INTS4: variants seen among roughly 807,000 people sequenced by gnomAD.
The protein encoded by INTS4 is integrator complex subunit 4, also known as MSTP093.
A neutral mutation model predicts 119.5 loss-of-function variants in INTS4; 70 were observed. The observed-to-expected ratio is 0.59, with a 90% CI of 0.48 to 0.71. The LOEUF (loss-of-function observed/expected upper bound fraction) is 0.71, where lower values mean the gene tolerates loss of function less well. Ranked by LOEUF, INTS4 falls within the 30% of genes least tolerant of loss-of-function variation. The probability of loss-of-function intolerance (pLI) is 0.00; values close to 1 mark genes in which losing one functional copy is unlikely to be tolerated. For synonymous variants in INTS4, 316 were observed against 419.6 expected (o/e 0.75, Z 3.02); for missense variants, 867 against 1,173.2 (o/e 0.74, Z 3.81).
rs1258810908 is a variant in INTS4 at position 77,981,522 on chromosome 11, T to G, written c.301A>C (p.Lys101Gln). ...KIASLLGLLS[K>Q]TAGFSPDCIM... Reference sequence around the variant, plus strand: ...CAGTCTGGTGAAAATCCTGCTGTCTTTGATAATAAACCCAACAATGATGCA... The same window carrying G: ...CAGTCTGGTGAAAATCCTGCTGTCTGTGATAATAAACCCAACAATGATGCA... The change falls in exon 3 of 23, where the codon AAG becomes CAG. Residue 101 changes from lysine to glutamine, a missense_variant. Coordinates refer to ENST00000534064, the MANE Select transcript of INTS4 (RefSeq NM_033547.4). The G allele has an allele frequency of 6.3e-7, 1 of 1,586,592 alleles. No homozygotes were observed. The highest frequency in any genetic ancestry group is 8.6e-7 in the Non-Finnish European group (1 of 1,165,564).
chr11:77,889,648 T>C (rs892850586), intron 21 of INTS4, among the ~76,000 whole-genome samples: 13 of 152,186 alleles, frequency 8.5e-5, no homozygotes, highest in African/African-American at 3.1e-4. Context: ...CTCAGTGTCA[T>C]CTCTGAGGCA....
chr11:77,974,750 G>A (rs990632605), intron 4 of INTS4, among the ~76,000 whole-genome samples: 25 of 151,758 alleles, frequency 1.6e-4, no homozygotes, highest in Admixed American at 1.4e-3. Flanking sequence ...ACAGGTACAA[G>A]CCACCAGACC....
Position 77,901,372 on chromosome 11 carries a change from T to A in INTS4, c.2228+49A>T, listed in dbSNP as rs567239352. The A allele has an allele frequency of 6.9e-6, 11 of 1,596,240 alleles. No individual in the cohort carries two copies. In the South Asian group the frequency reaches 1.0e-4, roughly 14 times the overall value. ...GTGTGATGTCTGAATGCATTTGAAG[T>A]ATCTTTGAAAGGAACATGCCACATA... is the stretch of plus-strand genomic sequence containing the variant. On this transcript the variant is annotated intron_variant, in intron 18 of 22. Coordinates refer to ENST00000534064, the MANE Select transcript of INTS4 (RefSeq NM_033547.4).
chr11:77,882,475 C>T (rs145284971), intron 22 of INTS4, among the ~76,000 whole-genome samples: 32 of 152,282 alleles, frequency 2.1e-4, no homozygotes, highest in African/African-American at 7.7e-4. Flanking sequence ...TTGTCCCTCC[C>T]AAAACAATAC....
intron 10 of INTS4, among the ~76,000 whole-genome samples, chr11:77,930,974 T>G (rs1258966898): frequency 6.6e-6 from 1 of 152,236 alleles, no homozygotes; most frequent in Non-Finnish European, 1.5e-5. Context: ...CTATTAGGTT[T>G]GTACTTAGTA....
chr11:77,901,263 T>C (rs1325061935), intron 18 of INTS4, 158 bp downstream of exon 18: 1 of 811,278 alleles, frequency 1.2e-6, no homozygotes, highest in Non-Finnish European at 2.1e-6. Flanking sequence ...AACAACAGAA[T>C]TTGTAATATC....
chr11:77,935,767 C>T (rs546804630), intron 10 of INTS4, among the ~76,000 whole-genome samples: 9 of 151,766 alleles, frequency 5.9e-5, no homozygotes. Flanking sequence ...GTGGTGGTGT[C>T]CACCTGTGGT....
At chr11:77,993,706 C>A (rs1490945274) in intron 1 of INTS4, among the ~76,000 whole-genome samples, 1 of 152,044 alleles carries the variant, frequency 6.6e-6, no homozygotes, top group South Asian at 2.1e-4. Flanking sequence ...GGATCAGTAT[C>A]CTGCTGGATG....
intron 14 of INTS4, among the ~76,000 whole-genome samples, chr11:77,920,280 C>CAT (rs1210532440): frequency 1.2e-3 from 56 of 44,958 alleles, no homozygotes; most frequent in African/African-American, 3.0e-3. Context: ...TATATATACA[C>CAT]ATATATATAT....
At chr11:77,980,372 TA>T (rs1441380118) in intron 3 of INTS4, among the ~76,000 whole-genome samples, 8 of 147,290 alleles carry the variant, frequency 5.4e-5, no homozygotes, top group Non-Finnish European at 4.5e-5. Context: ...TGCTTGTATT[TA>T]TTTTTTTATT....
chr11:77,924,644 A>G, intron 12 of INTS4, 106 bp downstream of exon 12: 1 of 1,046,714 alleles, frequency 9.6e-7, no homozygotes, highest in Non-Finnish European at 1.4e-6. Context: ...TAAAGGCAAA[A>G]TTCAGGGCCG....
At chr11:77,878,714 A>G (rs1221323016), downstream of INTS4, 4 of 695,378 alleles carry the variant, frequency 5.8e-6, no homozygotes, top group East Asian at 8.1e-5. Context: ...CAGGAACTAG[A>G]ACAGCTTGGT....
intron 10 of INTS4, among the ~76,000 whole-genome samples, chr11:77,929,216 A>G (rs1050322683): frequency 1.3e-5 from 2 of 152,118 alleles, no homozygotes; most frequent in African/African-American, 4.8e-5. Flanking sequence ...TATCAAATTA[A>G]GAGCCATGGG....
intron 21 of INTS4, among the ~76,000 whole-genome samples, chr11:77,887,352 G>A (rs2039421717): frequency 1.3e-5 from 2 of 152,260 alleles, no homozygotes; most frequent in Admixed American, 1.3e-4. Flanking sequence ...GGCAGAAAAG[G>A]CCTTTGACAA....
intron 8 of INTS4, among the ~76,000 whole-genome samples, chr11:77,950,142 T>A (rs1429256300): frequency 6.6e-6 from 1 of 151,782 alleles, no homozygotes; most frequent in Non-Finnish European, 1.5e-5. Context: ...CCGCATGTTC[T>A]CACTCATAAG....
chr11:77,879,890 G>A (rs1304736286), intron 22 of INTS4, among the ~76,000 whole-genome samples: 1 of 152,070 alleles, frequency 6.6e-6, no homozygotes, highest in Admixed American at 6.5e-5. Flanking sequence ...AACCCCAAGA[G>A]TTCTTATCCT....
At position 77,991,241 on chromosome 11, in the gene INTS4, G is replaced by C. The variant is rs1335759089; in HGVS notation, c.113C>G (p.Ala38Gly). ...LRLTKPSKSA[A>G]LHIDLCKATS... is the part of the protein sequence containing the mutation. ...AGCTTTACACAGATCTATGTGGAGT[G>C]CTGCAGATTTACTTGGTTTTGTTAG... The change falls in exon 2 of 23, where the codon GCA becomes GGA. Residue 38 changes from alanine to glycine, a missense_variant. Physicochemically the swap from Ala to Gly is moderately conservative, Grantham distance 60. Coordinates refer to ENST00000534064, the MANE Select transcript of INTS4 (RefSeq NM_033547.4). The C allele has an allele frequency of 2.5e-6, 4 of 1,613,920 alleles. No individual in the cohort carries two copies. Among genetic ancestry groups the C allele is most frequent in the Admixed American group, 1.7e-5 (1 of 60,002 alleles).
At chr11:77,953,624 CA>C (rs1954248542) in intron 8 of INTS4, among the ~76,000 whole-genome samples, 1 of 150,982 alleles carries the variant, frequency 6.6e-6, no homozygotes, top group African/African-American at 2.4e-5. Context: ...CGCTCTTTTG[CA>C]CAGGCTGGAG....
chr11:77,939,282 C>T lies in INTS4; in HGVS notation c.991-457G>A, dbSNP rs541077924. Reference sequence around the variant, plus strand: ...CACGAGGTCAGGAGATTGAGACCATCCTGGCCAACATGGTGAAACTCCATC... The same window carrying T: ...CACGAGGTCAGGAGATTGAGACCATTCTGGCCAACATGGTGAAACTCCATC... On this transcript the variant is annotated intron_variant, in intron 9 of 22. Transcript: ENST00000534064. 1.3e-3 allele frequency among the ~76,000 whole-genome samples: 197 copies of T among 152,260 alleles called. 1 individual carries two copies. Among genetic ancestry groups the T allele is most frequent in the African/African-American group, 4.6e-3 (190 of 41,546 alleles).
Sources: allele counts gnomAD v4.1 joint callset (sites outside exome capture counted in the v4.1 genomes callset), GRCh38; gene constraint gnomAD v4.1.1; transcripts MANE v1.5; gene names NCBI Gene and HGNC (gene_info 2026-07-23, HGNC 2026-07-21).